The following GIGYF2 variants were observed in gnomAD, a reference collection of about 807,000 sequenced individuals.
GIGYF2 encodes the protein GRB10 interacting GYF protein 2.
GIGYF2 carries 25 observed loss-of-function variants against 208.1 expected under a neutral mutation model. The observed-to-expected ratio is 0.12, with a 90% CI of 0.09 to 0.17. GIGYF2 has a LOEUF of 0.17. Among genes scored for constraint, GIGYF2 ranks in the 10% least tolerant of loss-of-function variants. The pLI, the probability that GIGYF2 is intolerant of heterozygous loss-of-function variation, is 1.00. For missense variants in GIGYF2, 1,302 were observed against 1,579.4 expected (o/e 0.82, Z 2.98); for synonymous variants, 534 against 543.8 (o/e 0.98, Z 0.25).
At chr2:232,783,810 C>G (rs963791365) in intron 8 of GIGYF2, among the ~76,000 whole-genome samples, 2 of 152,022 alleles carry the variant, frequency 1.3e-5, no homozygotes, top group Admixed American at 1.3e-4. Context: ...CTCAGCCTCC[C>G]GAGTAGCTGG....
rs182566423 is a variant in GIGYF2 at position 232,815,276 on chromosome 2, G to A, written c.2108-361G>A. Among the ~76,000 whole-genome samples, 92 of 152,312 alleles carry A rather than the reference G, an allele frequency of 6.0e-4. 1 individual carries two copies. The highest frequency in any genetic ancestry group is 2.0e-4 in the Admixed American group (3 of 15,300). ...TGTGCTTTGGAGTGTAATACACTGG[G>A]ATTTAAATCCTGGCATGACCACATG... On this transcript the variant is annotated intron_variant, in intron 18 of 28. Transcript: ENST00000373563.
intron 20 of GIGYF2, 140 bp downstream of exon 20, chr2:232,817,172 G>A (rs1407637067): frequency 2.6e-6 from 2 of 756,036 alleles, no homozygotes; most frequent in Non-Finnish European, 2.4e-6. Flanking sequence ...CCTTTGGAAA[G>A]AATCTCTGTT....
chr2:232,740,929 C>A (rs1046756796), intron 3 of GIGYF2, among the ~76,000 whole-genome samples: 1 of 152,128 alleles, frequency 6.6e-6, no homozygotes, highest in African/African-American at 2.4e-5. Context: ...AATATTTGTT[C>A]AGAAAACATT....
chr2:232,821,842 T>C (rs905532862), intron 21 of GIGYF2, among the ~76,000 whole-genome samples: 1 of 152,070 alleles, frequency 6.6e-6, no homozygotes, highest in Non-Finnish European at 1.5e-5. Flanking sequence ...TTTTTCTGTA[T>C]GATATGAGGT....
chr2:232,816,052 C>T, intron 19 of GIGYF2: 1 of 364,430 alleles, frequency 2.7e-6, no homozygotes, highest in Non-Finnish European at 5.2e-6. Context: ...AGAAAATATC[C>T]ACTACATTGT....
At chr2:232,767,206 T>C (rs527706386) in intron 8 of GIGYF2, 13 of 152,368 alleles carry the variant, frequency 8.5e-5, no homozygotes, top group Non-Finnish European at 1.5e-4. Flanking sequence ...AATTTGAGTT[T>C]GAAAATGCTT....
At chr2:232,768,605 A>C (rs780403245) in intron 8 of GIGYF2, 3 of 1,614,164 alleles carry the variant, frequency 1.9e-6, no homozygotes, top group Non-Finnish European at 2.5e-6. Flanking sequence ...CAAGGTGGAA[A>C]TCCACACTGG....
At chr2:232,790,658 TA>T (rs763136237) in intron 9 of GIGYF2, 39 bp from the exon 10 acceptor site, 1 of 1,510,164 alleles carries the variant, frequency 6.6e-7, no homozygotes, top group South Asian at 1.1e-5. Context: ...AATACTGTCA[TA>T]AAACTTTTCT....
intron 8 of GIGYF2, chr2:232,771,373 A>T: frequency 6.3e-7 from 1 of 1,589,800 alleles, no homozygotes; most frequent in Non-Finnish European, 8.6e-7. Context: ...CTCAGGCTGT[A>T]TTTCTCTAAA....
At chr2:232,747,035 T>C (rs535499999) in intron 3 of GIGYF2, among the ~76,000 whole-genome samples, 1 of 152,336 alleles carries the variant, frequency 6.6e-6, no homozygotes, top group South Asian at 2.1e-4. Context: ...GCATTTTATA[T>C]AAAAATTATC....
At chr2:232,733,918 A>G (rs1452665676) in intron 2 of GIGYF2, among the ~76,000 whole-genome samples, 1 of 152,162 alleles carries the variant, frequency 6.6e-6, no homozygotes, top group Non-Finnish European at 1.5e-5. Flanking sequence ...GGTTGAATCC[A>G]TGAACCAGAA....
rs746501620 is a variant in GIGYF2 at position 232,768,776 on chromosome 2, T to C, written c.532+7340T>C. 3.1e-6 allele frequency: 5 copies of C among 1,601,302 alleles called. No homozygotes were observed. The highest frequency in any genetic ancestry group is 1.1e-5 in the South Asian group (1 of 90,314). On this transcript the variant is annotated intron_variant, in intron 8 of 28. Transcript: ENST00000373563. ...TGTCAGTAAAGCGAATTGAAAAAGC[T>C]CGATTTTTTGGCCGGGCAATCTTCG...
At chr2:232,850,213 C>G in intron 27 of GIGYF2, 49 bp from the exon 28 acceptor site, 1 of 1,551,076 alleles carries the variant, frequency 6.4e-7, no homozygotes, top group Non-Finnish European at 8.9e-7. Context: ...CTAGGGTGAG[C>G]CAAGTCTGAA....
rs1227521569 is a variant in GIGYF2 at position 232,794,908 on chromosome 2, A to C, written c.1443A>C (p.Glu481Asp). The C allele has an allele frequency of 6.2e-7, 1 of 1,613,936 alleles. No individual in the cohort carries two copies. Among genetic ancestry groups the C allele is most frequent in the Admixed American group, 1.7e-5 (1 of 60,016 alleles). ...GAPGMGSVST[E>D]PDDEEGLKHL... ...CTGGTATGGGCAGTGTTTCCACAGA[A>C]CCTGATGATGAAGAAGGTCTCAAAC... is the stretch of plus-strand genomic sequence containing the variant. Residue 481 changes from glutamate (E) to aspartate (D), a missense_variant, in exon 13 of 29, where the codon GAA becomes GAC. Physicochemically the swap from Glu to Asp is conservative, Grantham distance 45 (BLOSUM62 2). Around this residue, in one of 8 missense-constraint regions of GIGYF2, gnomAD observed 235 missense variants for 218.8 expected, o/e 1.07. Coordinates refer to ENST00000373563, the MANE Select transcript of GIGYF2 (RefSeq NM_001103146.3).
intron 3 of GIGYF2, among the ~76,000 whole-genome samples, chr2:232,739,793 AAG>A (rs1697902251): frequency 6.6e-6 from 1 of 152,010 alleles, no homozygotes; most frequent in African/African-American, 2.4e-5. Context: ...ATGTATCTTC[AAG>A]ATATTTAAAA....
chr2:232,802,216 A>G (rs1348780440), intron 14 of GIGYF2, among the ~76,000 whole-genome samples: 1 of 150,594 alleles, frequency 6.6e-6, no homozygotes, highest in Non-Finnish European at 1.5e-5. Context: ...ATCTGTGAAC[A>G]GACTTCTTCC....
At chr2:232,730,523 T>G (rs1697421796) in intron 2 of GIGYF2, among the ~76,000 whole-genome samples, 1 of 150,170 alleles carries the variant, frequency 6.7e-6, no homozygotes, top group African/African-American at 2.5e-5. Flanking sequence ...GACAATCACT[T>G]GAACCTGGGA....
intron 8 of GIGYF2, among the ~76,000 whole-genome samples, chr2:232,771,882 T>C (rs1480620352): frequency 6.6e-6 from 1 of 152,238 alleles, no homozygotes; most frequent in Non-Finnish European, 1.5e-5. Context: ...GCAAATCCTT[T>C]GAAGCCAGAT....
chr2:232,819,099 G>C (rs78807642), intron 20 of GIGYF2, among the ~76,000 whole-genome samples: 1 of 151,786 alleles, frequency 6.6e-6, no homozygotes, highest in Non-Finnish European at 1.5e-5. Flanking sequence ...CCACAGTCTA[G>C]CCTTTACCAC....
Sources: gnomAD v4.1 joint callset for allele counts (sites outside exome capture counted in the v4.1 genomes callset) on GRCh38, gnomAD v4.1.1 for gene constraint, gnomAD v4.1.1 regional missense constraint, MANE v1.5 for transcripts, NCBI Gene and HGNC (gene_info 2026-07-23, HGNC 2026-07-21) for gene names.